MAD1L1: variants seen among roughly 807,000 people sequenced by gnomAD.
The protein encoded by MAD1L1 is mitotic arrest deficient 1 like 1.
In MAD1L1, 95 loss-of-function variants were observed where a neutral mutation model predicts 96.9. The ratio of observed to expected loss-of-function variants is 0.98; its 90% CI spans 0.83 to 1.16. The LOEUF is 1.16. Among genes scored for constraint, MAD1L1 ranks in the 50% most tolerant of loss-of-function variants. The probability of loss-of-function intolerance (pLI) is 0.00; values close to 1 mark genes in which losing one functional copy is unlikely to be tolerated. For synonymous variants in MAD1L1, 473 were observed against 396.6 expected, an observed-to-expected ratio of 1.19 and a Z score of -2.29; for missense variants, 1,007 against 954.4, an observed-to-expected ratio of 1.06 and a Z score of -0.73.
chr7:2,171,113 G>T (rs960669023), intron 10 of MAD1L1, among the ~76,000 whole-genome samples: 1 of 152,240 alleles, frequency 6.6e-6, no homozygotes, highest in Non-Finnish European at 1.5e-5. Flanking sequence ...TGCCATTAAT[G>T]AATGGGGTAG....
At chr7:2,201,339 C>T (rs1191634633) in intron 10 of MAD1L1, among the ~76,000 whole-genome samples, 1 of 152,126 alleles carries the variant, frequency 6.6e-6, no homozygotes, top group Non-Finnish European at 1.5e-5. Context: ...ACAAAGCTGC[C>T]CAGACCCTTC....
At chr7:1,953,686 C>T (rs985678746) in intron 16 of MAD1L1, among the ~76,000 whole-genome samples, 4 of 152,262 alleles carry the variant, frequency 2.6e-5, no homozygotes, top group African/African-American at 7.2e-5. Flanking sequence ...GCGGAACATC[C>T]GTGGTGGAGC....
At position 1,847,373 on chromosome 7, in the gene MAD1L1, G is replaced by A. The variant is rs1456400855; in HGVS notation, c.1999-31145C>T. ...GAGGTACCACGGGGCGGACCAGGGTGTGCAGCGTTACGTGACTTGGGAAGA... is the reference window on the plus strand; with the variant it reads ...GAGGTACCACGGGGCGGACCAGGGTATGCAGCGTTACGTGACTTGGGAAGA... On this transcript the variant is annotated intron_variant, in intron 18 of 18. Transcript: ENST00000265854. The A allele has an allele frequency of 8.5e-6, 4 of 470,966 alleles. No homozygotes were observed. The East Asian group carries it at 2.1e-4, about 25-fold the overall frequency. 29.2% of individuals were successfully genotyped at this position (470,966 alleles called of 1,614,324 possible). A position where few individuals can be genotyped will look rare whatever the true frequency, so the allele number is the denominator to read the frequency against.
chr7:2,152,159 A>C (rs1427899303), intron 10 of MAD1L1, among the ~76,000 whole-genome samples: 1 of 152,212 alleles, frequency 6.6e-6, no homozygotes, highest in African/African-American at 2.4e-5. Flanking sequence ...CACAGACCCC[A>C]GCCCTCGGGA....
intron 12 of MAD1L1, among the ~76,000 whole-genome samples, chr7:2,030,761 C>A (rs28406048): frequency 0.043 from 6,561 of 152,314 alleles, 223 homozygotes; most frequent in African/African-American, 0.089. Context: ...TACTGTGGGT[C>A]AGCGAGGGTT....
intron 16 of MAD1L1, among the ~76,000 whole-genome samples, chr7:1,949,797 C>A (rs556014731): frequency 6.6e-6 from 1 of 152,360 alleles, no homozygotes; most frequent in African/African-American, 2.4e-5. Context: ...CCAAGAGCCG[C>A]GGGGACTGGC....
At chr7:1,886,582 T>G (rs1227215772) in intron 18 of MAD1L1, among the ~76,000 whole-genome samples, 1 of 152,192 alleles carries the variant, frequency 6.6e-6, no homozygotes, top group Non-Finnish European at 1.5e-5. Flanking sequence ...CACCACACTG[T>G]GTCTGCAAAC....
At chr7:1,850,007 T>A (rs1228260321) in intron 18 of MAD1L1, 2 of 152,212 alleles carry the variant, frequency 1.3e-5, no homozygotes, top group Admixed American at 6.5e-5. Flanking sequence ...AGCCCCGCTT[T>A]GATTAGGAAA....
At chr7:2,003,696 G>A (rs1407033961) in intron 13 of MAD1L1, among the ~76,000 whole-genome samples, 3 of 152,174 alleles carry the variant, frequency 2.0e-5, no homozygotes, top group Non-Finnish European at 4.4e-5. Flanking sequence ...TGAGGGGAAG[G>A]CCTTGAGCTC....
At chr7:2,012,985 C>T (rs1782370211) in intron 13 of MAD1L1, among the ~76,000 whole-genome samples, 1 of 152,264 alleles carries the variant, frequency 6.6e-6, no homozygotes, top group African/African-American at 2.4e-5. Context: ...CCATGCAGCG[C>T]AGCTCCCTGA....
chr7:1,898,293 C>T lies in MAD1L1; in HGVS notation c.1905G>A (p.Thr635=), dbSNP rs780175853. ...KIQEFRKACY[T]LTGYQIDITT... ...TGATGTCGATCTGGTAGCCGGTGAG[C>T]GTGTAGCAGGCCTTGCGGAACTCCT... Residue 635 remains threonine, a synonymous_variant, in exon 18 of 19, where the codon ACG becomes ACA. Transcript: ENST00000265854. 14 of 1,613,980 alleles carry T rather than the reference C, an allele frequency of 8.7e-6. No individual in the cohort carries two copies. The highest frequency in any genetic ancestry group is 6.7e-5 in the Admixed American group (4 of 60,006).
chr7:1,973,421 A>G (rs1225951425), intron 15 of MAD1L1, among the ~76,000 whole-genome samples: 1 of 152,156 alleles, frequency 6.6e-6, no homozygotes, highest in Non-Finnish European at 1.5e-5. Context: ...GGCGACAGAC[A>G]GGCAGGTGTG....
At chr7:1,904,955 A>G (rs10264573) in intron 17 of MAD1L1, among the ~76,000 whole-genome samples, 10,777 of 63,358 alleles carry the variant, frequency 0.17, 3,931 homozygotes, top group Admixed American at 0.36. Flanking sequence ...ATGAAGCACT[A>G]TTCCAGGCAG....
intron 15 of MAD1L1, among the ~76,000 whole-genome samples, chr7:1,978,840 G>C (rs1485505299): frequency 1.3e-5 from 2 of 152,148 alleles, no homozygotes; most frequent in African/African-American, 4.8e-5. Context: ...TCCATGCTCG[G>C]CCCTAAGGAC....
chr7:1,843,283 A>T (rs934276374), intron 18 of MAD1L1, among the ~76,000 whole-genome samples: 19 of 152,174 alleles, frequency 1.2e-4, no homozygotes, highest in African/African-American at 4.6e-4. Flanking sequence ...CTTCGGCAGT[A>T]AATCAACTAA....
At chr7:1,916,157 G>GC (rs1374990074) in intron 17 of MAD1L1, among the ~76,000 whole-genome samples, 1 of 152,178 alleles carries the variant, frequency 6.6e-6, no homozygotes, top group Non-Finnish European at 1.5e-5. Flanking sequence ...CACCGGGAGG[G>GC]TGTGGGGCCC....
At chr7:1,944,170 A>G (rs1779123258) in intron 16 of MAD1L1, among the ~76,000 whole-genome samples, 1 of 152,190 alleles carries the variant, frequency 6.6e-6, no homozygotes, top group African/African-American at 2.4e-5. Context: ...AGACAGACCC[A>G]CAGAGGCACG....
At chr7:2,217,869 G>A (rs562301640) in intron 7 of MAD1L1, 93 bp downstream of exon 7, 14 of 1,058,830 alleles carry the variant, frequency 1.3e-5, no homozygotes, top group Admixed American at 7.0e-5. Flanking sequence ...GAAGGACCAC[G>A]GAGCTCGGCA....
chr7:2,201,673 A>C (rs1404312359), intron 10 of MAD1L1, among the ~76,000 whole-genome samples: 2 of 152,226 alleles, frequency 1.3e-5, no homozygotes, highest in Non-Finnish European at 2.9e-5. Context: ...AGACCAAGTG[A>C]TAGCGTTTCC....
Sources: allele counts gnomAD v4.1 joint callset (sites outside exome capture counted in the v4.1 genomes callset), GRCh38; gene constraint gnomAD v4.1.1; transcripts MANE v1.5; gene names NCBI Gene and HGNC (gene_info 2026-07-23, HGNC 2026-07-21).